Variants in GNA13 observed in about 807,000 individuals in gnomAD.
The protein encoded by GNA13 is G protein subunit alpha 13.
A neutral mutation model predicts 33.5 loss-of-function variants in GNA13; 4 were observed. That is an observed-to-expected ratio of 0.12 (90% CI 0.06 to 0.27). GNA13 has a LOEUF of 0.27. GNA13 is among the 10% of genes least tolerant of loss of function. GNA13 has a pLI of 1.00. For synonymous variants in GNA13, 176 were observed against 183.8 expected (o/e 0.96, Z 0.34); for missense variants, 319 against 487.2 (o/e 0.65, Z 3.25).
At chr17:65,052,251 T>C (rs1381338071) in intron 2 of GNA13, 1 of 152,260 alleles carries the variant, frequency 6.6e-6, no homozygotes, top group Admixed American at 6.5e-5. Context: ...CTTCCAGAGT[T>C]CAAGCGAGTC....
intron 2 of GNA13, among the ~76,000 whole-genome samples, chr17:65,019,825 A>G (rs926672883): frequency 6.6e-6 from 1 of 152,244 alleles, no homozygotes; most frequent in Non-Finnish European, 1.5e-5. Context: ...CCAAAAGAGT[A>G]TAATTGGATT....
At chr17:65,054,100 G>T (rs2143834378) in intron 1 of GNA13, among the ~76,000 whole-genome samples, 1 of 152,284 alleles carries the variant, frequency 6.6e-6, no homozygotes, top group East Asian at 1.9e-4. Flanking sequence ...GAAGAAAACA[G>T]ACACAACCAA....
intron 2 of GNA13, among the ~76,000 whole-genome samples, chr17:65,025,527 G>A (rs1010947708): frequency 6.6e-6 from 1 of 152,148 alleles, no homozygotes; most frequent in East Asian, 1.9e-4. Flanking sequence ...GCTGAGAAGC[G>A]CGGATGGGAA....
chr17:65,049,840 A>C (rs1907799712), intron 2 of GNA13, among the ~76,000 whole-genome samples: 1 of 152,244 alleles, frequency 6.6e-6, no homozygotes, highest in South Asian at 2.1e-4. Flanking sequence ...TTTAACAAGC[A>C]TTCCAGTCCA....
intron 3 of GNA13, among the ~76,000 whole-genome samples, chr17:65,015,197 G>A (rs545011732): frequency 6.6e-6 from 1 of 152,188 alleles, no homozygotes; most frequent in African/African-American, 2.4e-5. Flanking sequence ...TTTCATCCCT[G>A]CAATACTACT....
chr17:65,014,665 T>C lies in GNA13; in HGVS notation c.726A>G (p.Ser242=), dbSNP rs1906300588. 6.2e-7 allele frequency: 1 copy of C among 1,614,226 alleles called. No individual in the cohort carries two copies. Among genetic ancestry groups the C allele is most frequent in the Non-Finnish European group, 8.5e-7 (1 of 1,180,028 alleles). The change falls in exon 4 of 4, where the codon TCA becomes TCG. Residue 242 remains serine, a synonymous_variant. Coordinates refer to ENST00000439174, the MANE Select transcript of GNA13 (RefSeq NM_006572.6). The surrounding 1 kb of genome is among the most constrained non-coding windows in gnomAD (Gnocchi z 5.3). ...CACTTGAGGAAACAAGGAAAAGTAT[T>C]GATGTCACACTGTCGAAACATTCAA... The part of the protein sequence containing the change: ...RWFECFDSVT[S]ILFLVSSSEF...
At chr17:65,049,984 G>A (rs772166383) in intron 2 of GNA13, among the ~76,000 whole-genome samples, 11 of 152,130 alleles carry the variant, frequency 7.2e-5, no homozygotes, top group Non-Finnish European at 1.6e-4. Flanking sequence ...AAAAAATTAG[G>A]GTATGTGGGA....
intron 2 of GNA13, among the ~76,000 whole-genome samples, chr17:65,049,676 C>T (rs1025383462): frequency 6.6e-6 from 1 of 152,084 alleles, no homozygotes; most frequent in African/African-American, 2.4e-5. Flanking sequence ...GAGACACAGC[C>T]CCTAAGGCAC....
chr17:65,020,100 T>C (rs1323129261), intron 2 of GNA13, among the ~76,000 whole-genome samples: 1 of 152,266 alleles, frequency 6.6e-6, no homozygotes, highest in East Asian at 1.9e-4. Context: ...TCAAATTTTA[T>C]ACAAAGCTCA....
intron 2 of GNA13, among the ~76,000 whole-genome samples, chr17:65,034,985 A>G (rs1907191168): frequency 6.6e-6 from 1 of 152,024 alleles, no homozygotes; most frequent in Non-Finnish European, 1.5e-5. Context: ...GAGTTTCTCC[A>G]TGTTTGTCAG....
chr17:65,031,915 A>AGTGTGT (rs1567821894), intron 2 of GNA13, among the ~76,000 whole-genome samples: 2 of 131,366 alleles, frequency 1.5e-5, no homozygotes, highest in Non-Finnish European at 3.3e-5. Flanking sequence ...AGAGAGAGAG[A>AGTGTGT]GAGAGAGTGT....
intron 2 of GNA13, among the ~76,000 whole-genome samples, chr17:65,049,256 C>G (rs1365347968): frequency 6.6e-6 from 1 of 152,152 alleles, no homozygotes; most frequent in Non-Finnish European, 1.5e-5. Flanking sequence ...ACTACAGGTA[C>G]ATGTCACCAT....
At chr17:65,051,260 A>C (rs936513427) in intron 2 of GNA13, among the ~76,000 whole-genome samples, 11 of 152,204 alleles carry the variant, frequency 7.2e-5, no homozygotes, top group Non-Finnish European at 2.9e-5. Flanking sequence ...AATTGAGTTG[A>C]AAGTGTGTGG....
chr17:65,014,896 T>A lies in GNA13; in HGVS notation c.562-67A>T. On this transcript the variant is annotated intron_variant, in intron 3 of 3. Transcript: ENST00000439174. This position sits in a 1 kb window ranked among gnomAD's most constrained non-coding sequence, Gnocchi z 5.3. The stretch of plus-strand genomic sequence containing the variant: ...GTAATGCGAATTTTTAATGGACTAC[T>A]AACTGGACTAGTGAATAGATATGCA... 1 of 844,080 alleles carries A rather than the reference T, an allele frequency of 1.2e-6. No homozygotes were observed. Among genetic ancestry groups the A allele is most frequent in the Non-Finnish European group, 1.9e-6 (1 of 520,594 alleles). The allele number at this position is 844,080 out of a possible 1,614,324, so 52.3% of individuals were successfully genotyped here.
intron 2 of GNA13, among the ~76,000 whole-genome samples, chr17:65,042,980 G>A (rs1053164287): frequency 6.6e-6 from 1 of 152,086 alleles, no homozygotes; most frequent in African/African-American, 2.4e-5. Flanking sequence ...TTAATAATAT[G>A]GTTAATACAA....
chr17:65,041,535 T>C (rs560403520), intron 2 of GNA13, among the ~76,000 whole-genome samples: 126 of 152,222 alleles, frequency 8.3e-4, no homozygotes, highest in African/African-American at 3.0e-3. Context: ...TGTGAACATA[T>C]GAATTTTTTT....
intron 2 of GNA13, among the ~76,000 whole-genome samples, chr17:65,045,654 CAGTT>C (rs959680190): frequency 1.3e-5 from 2 of 152,056 alleles, no homozygotes; most frequent in Non-Finnish European, 2.9e-5. Context: ...GTACCATTCA[CAGTT>C]AGTAAATTTA....
In GNA13 at chr17:65,010,021, ACAG is replaced by A. The variant is rs1466597296; in HGVS notation, c.*4233_*4235del. 2.6e-5 allele frequency among the ~76,000 whole-genome samples: 4 copies of A among 152,210 alleles called. No individual in the cohort carries two copies. Among genetic ancestry groups the A allele is most frequent in the Non-Finnish European group, 4.4e-5 (3 of 68,032 alleles). The stretch of plus-strand genomic sequence containing the variant: ...ATCCACCTGTAAACTTTCATCATCA[ACAG>A]CAGATTTGTATATGTCACAAAACTC... On this transcript the variant is annotated 3_prime_UTR_variant, in exon 4 of 4. Transcript: ENST00000439174.
At chr17:65,041,245 C>T (rs553614641) in intron 2 of GNA13, among the ~76,000 whole-genome samples, 22 of 152,246 alleles carry the variant, frequency 1.4e-4, no homozygotes, top group East Asian at 9.6e-4. Flanking sequence ...AAGAAATGGC[C>T]TATTTACAAG....
Sources: gnomAD v4.1 joint callset for allele counts (sites outside exome capture counted in the v4.1 genomes callset) on GRCh38, gnomAD v4.1.1 for gene constraint, Gnocchi (gnomAD v3.1) non-coding constraint, MANE v1.5 for transcripts, NCBI Gene and HGNC (gene_info 2026-07-23, HGNC 2026-07-21) for gene names.